The following DPP10 variants were observed in gnomAD, a reference collection of about 807,000 sequenced individuals.
DPP10 encodes the protein inactive dipeptidyl peptidase 10.
Under a neutral mutation model 120.9 loss-of-function variants are expected in DPP10, and 33 were observed. That is an observed-to-expected ratio of 0.27 (90% CI 0.21 to 0.37). DPP10 has a LOEUF of 0.37. Among genes scored for constraint, DPP10 ranks in the 10% least tolerant of loss-of-function variants. The probability of loss-of-function intolerance (pLI) is 1.00; values close to 1 mark genes in which losing one functional copy is unlikely to be tolerated. For synonymous variants in DPP10, 337 were observed against 326.1 expected (o/e 1.03, Z -0.36); for missense variants, 816 against 942.8 (o/e 0.87, Z 1.76).
chr2:114,999,393 A>C (rs937976883), intron 1 of DPP10, among the ~76,000 whole-genome samples: 1 of 152,170 alleles, frequency 6.6e-6, no homozygotes, highest in East Asian at 1.9e-4. Context: ...CCTCATTTTA[A>C]GACTAAAATG....
intron 1 of DPP10, among the ~76,000 whole-genome samples, chr2:114,550,713 T>C (rs1022099330): frequency 4.6e-5 from 7 of 152,238 alleles, no homozygotes; most frequent in African/African-American, 1.7e-4. Context: ...CCTGTCTTAC[T>C]TGGTTTCTGT....
At chr2:115,150,398 A>C (rs2051471277) in intron 1 of DPP10, among the ~76,000 whole-genome samples, 1 of 152,226 alleles carries the variant, frequency 6.6e-6, no homozygotes, top group Non-Finnish European at 1.5e-5. Context: ...ATAGTTCTTA[A>C]AGCCTTGGCG....
At chr2:115,699,476 C>T (rs539958487) in intron 7 of DPP10, among the ~76,000 whole-genome samples, 3 of 152,256 alleles carry the variant, frequency 2.0e-5, no homozygotes, top group East Asian at 3.9e-4. Context: ...TTGGCAGGCA[C>T]CTGTAATCCT....
At chr2:114,864,542 G>C in intron 1 of DPP10, among the ~76,000 whole-genome samples, 1 of 152,166 alleles carries the variant, frequency 6.6e-6, no homozygotes, top group Non-Finnish European at 1.5e-5. Context: ...CCATGATTGT[G>C]ATCCTAGAAA....
At chr2:115,376,932 T>G (rs1323739839) in intron 3 of DPP10, among the ~76,000 whole-genome samples, 2 of 148,052 alleles carry the variant, frequency 1.4e-5, no homozygotes, top group South Asian at 2.2e-4. Flanking sequence ...GTGCCACATT[T>G]TCTTAATCCA....
intron 19 of DPP10, among the ~76,000 whole-genome samples, chr2:115,797,404 A>G (rs1041890384): frequency 2.6e-5 from 4 of 151,984 alleles, no homozygotes; most frequent in South Asian, 2.1e-4. Context: ...TTGATCTTCT[A>G]TTTGTTCATG....
At chr2:115,304,653 G>A (rs897108145) in intron 1 of DPP10, among the ~76,000 whole-genome samples, 17 of 151,798 alleles carry the variant, frequency 1.1e-4, no homozygotes, top group Admixed American at 3.3e-4. Context: ...ATACATTGAC[G>A]TTTTCCAAAG....
chr2:114,687,964 T>C (rs191130443), intron 1 of DPP10, among the ~76,000 whole-genome samples: 183 of 152,174 alleles, frequency 1.2e-3, no homozygotes, highest in African/African-American at 4.3e-3. Context: ...TGAAAACATT[T>C]CTTCTAATTC....
intron 1 of DPP10, among the ~76,000 whole-genome samples, chr2:115,173,538 G>A (rs1329358447): frequency 6.6e-6 from 1 of 152,170 alleles, no homozygotes; most frequent in African/African-American, 2.4e-5. Context: ...ACTCGTTCCT[G>A]TTGTACAGTA....
At chr2:114,456,694 A>G (rs546276260) in intron 1 of DPP10, among the ~76,000 whole-genome samples, 4 of 152,228 alleles carry the variant, frequency 2.6e-5, no homozygotes, top group African/African-American at 9.6e-5. Context: ...CAACTGCTTA[A>G]GAGAGTGGTT....
chr2:115,433,660 G>T (rs1574832829), intron 3 of DPP10, among the ~76,000 whole-genome samples: 1 of 151,768 alleles, frequency 6.6e-6, no homozygotes, highest in South Asian at 2.1e-4. Flanking sequence ...CTCACATATG[G>T]CTGCTCTCTA....
In DPP10 at chr2:115,027,166, G is replaced by C. The variant is rs565240819; in HGVS notation, c.61-282073G>C. Among the ~76,000 whole-genome samples the C allele has an allele frequency of 9.7e-4, 148 of 152,120 alleles. 1 individual carries two copies. In the Middle Eastern group the frequency reaches 0.02, roughly 21 times the overall value. On this transcript the variant is annotated intron_variant, in intron 1 of 25. Transcript: ENST00000410059. ...ATAGAAATGCTACATTTGTATGCTG[G>C]TTTTTATATGTTGGTTTTTGTATCC...
intron 4 of DPP10, among the ~76,000 whole-genome samples, chr2:115,511,958 C>A (rs2077256909): frequency 1.3e-5 from 2 of 151,848 alleles, no homozygotes. Flanking sequence ...TCTTGACCTT[C>A]TGGGCTCAAG....
chr2:115,623,335 G>C (rs572413381), intron 5 of DPP10, among the ~76,000 whole-genome samples: 1 of 152,164 alleles, frequency 6.6e-6, no homozygotes, highest in Non-Finnish European at 1.5e-5. Context: ...AGTGATTGGC[G>C]TATGTCAGGA....
At chr2:115,179,869 C>T (rs536239438) in intron 1 of DPP10, among the ~76,000 whole-genome samples, 2 of 152,134 alleles carry the variant, frequency 1.3e-5, no homozygotes, top group East Asian at 3.9e-4. Context: ...TACCAAGACT[C>T]GAAACCGTTT....
chr2:114,774,733 C>T (rs1574156958), intron 1 of DPP10, among the ~76,000 whole-genome samples: 1 of 150,922 alleles, frequency 6.6e-6, no homozygotes, highest in Middle Eastern at 3.4e-3. Context: ...GAATGAACAA[C>T]AGCAATGATT....
At chr2:115,534,815 G>C (rs1446396683) in intron 5 of DPP10, among the ~76,000 whole-genome samples, 3 of 151,742 alleles carry the variant, frequency 2.0e-5, no homozygotes, top group African/African-American at 7.3e-5. Context: ...TAACTAGTGT[G>C]AGATGGTATC....
chr2:114,807,074 C>T (rs572888180), intron 1 of DPP10, among the ~76,000 whole-genome samples: 13 of 152,218 alleles, frequency 8.5e-5, no homozygotes, highest in South Asian at 2.1e-4. Flanking sequence ...TTTTAAGTTA[C>T]GTAACATAAT....
chr2:114,507,210 A>T (rs1265324308), intron 1 of DPP10, among the ~76,000 whole-genome samples: 1 of 151,590 alleles, frequency 6.6e-6, no homozygotes, highest in African/African-American at 2.4e-5. Context: ...ACAACACCCC[A>T]GGTAATTTTT....
Sources: allele counts gnomAD v4.1 joint callset (sites outside exome capture counted in the v4.1 genomes callset), GRCh38; gene constraint gnomAD v4.1.1; transcripts MANE v1.5; gene names NCBI Gene and HGNC (gene_info 2026-07-23, HGNC 2026-07-21).